RABGAP1: variants seen among roughly 807,000 people sequenced by gnomAD.
RABGAP1 encodes the protein RAB GTPase activating protein 1, also known as rab GTPase-activating protein 1.
A neutral mutation model predicts 137.6 loss-of-function variants in RABGAP1; 23 were observed. The observed-to-expected ratio is 0.17, with a 90% CI of 0.12 to 0.24. The LOEUF (loss-of-function observed/expected upper bound fraction) is 0.24, where lower values mean the gene tolerates loss of function less well. Ranked by LOEUF, RABGAP1 falls within the 10% of genes least tolerant of loss-of-function variation. The pLI is 1.00. For missense variants in RABGAP1, 906 were observed against 1,275.8 expected (o/e 0.71, Z 4.42); for synonymous variants, 451 against 450.7 (o/e 1.00, Z -0.01).
At chr9:122,965,808 T>C (rs1052455787) in intron 2 of RABGAP1, among the ~76,000 whole-genome samples, 2 of 152,246 alleles carry the variant, frequency 1.3e-5, no homozygotes, top group Admixed American at 1.3e-4. Context: ...TTATGAGTTA[T>C]ATCTCAATAA....
intron 1 of RABGAP1, among the ~76,000 whole-genome samples, chr9:122,949,068 T>G (rs2131594954): frequency 6.6e-6 from 1 of 152,264 alleles, no homozygotes; most frequent in South Asian, 2.1e-4. Flanking sequence ...GATTGATCAA[T>G]ATAGCGGAGT....
chr9:122,960,197 A>G (rs1444073247), intron 2 of RABGAP1, among the ~76,000 whole-genome samples: 2 of 152,218 alleles, frequency 1.3e-5, no homozygotes, highest in African/African-American at 4.8e-5. Flanking sequence ...GGAGGAGATC[A>G]CCAAGGGTCA....
chr9:122,935,019 A>G, the RABGAP1 span, among the ~76,000 whole-genome samples: 1 of 152,138 alleles, frequency 6.6e-6, no homozygotes, highest in Non-Finnish European at 1.5e-5. Context: ...TGGGATTTAT[A>G]TCTGTCACTT....
chr9:122,960,161 G>C lies in RABGAP1; in HGVS notation c.150+2952G>C, dbSNP rs148388093. On this transcript the variant is annotated intron_variant, in intron 2 of 25. Coordinates refer to ENST00000373647, the MANE Select transcript of RABGAP1 (RefSeq NM_012197.4). Reference sequence around the variant, plus strand: ...TGACTATAGATGTGCTCATTTGCCTGAGGAAACTAGGGAAAGACACAGCTG... The same window carrying C: ...TGACTATAGATGTGCTCATTTGCCTCAGGAAACTAGGGAAAGACACAGCTG... Among the ~76,000 whole-genome samples the C allele has an allele frequency of 9.5e-3, 1,449 of 152,306 alleles. 25 individuals are homozygous for C. Among genetic ancestry groups the C allele is most frequent in the African/African-American group, 0.033 (1,379 of 41,558 alleles).
At position 123,065,373 on chromosome 9, in the gene RABGAP1, C is replaced by T; in HGVS notation, c.1820C>T (p.Thr607Ile). Reference sequence around the variant, plus strand: ...GAGTCTCCCCAGGACAGTGCTATCACCCGGGATATTAACCGAACATTCCCA... The same window carrying T: ...GAGTCTCCCCAGGACAGTGCTATCATCCGGGATATTAACCGAACATTCCCA... ...TKESPQDSAI[T>I]RDINRTFPAH... The change falls in exon 14 of 26, where the codon ACC (threonine) becomes ATC (isoleucine). Residue 607 changes from threonine (T) to isoleucine (I), a missense_variant. Thr to Ile is a moderately conservative substitution (Grantham distance 89). Around this residue, in one of 9 missense-constraint regions of RABGAP1, gnomAD observed 30 missense variants for 105.8 expected, o/e 0.28. Transcript: ENST00000373647. 1 of 1,612,872 alleles carries T rather than the reference C, an allele frequency of 6.2e-7. No homozygotes were observed. Among genetic ancestry groups the T allele is most frequent in the South Asian group, 1.1e-5 (1 of 91,060 alleles).
chr9:123,055,830 C>T (rs746564296), intron 13 of RABGAP1, among the ~76,000 whole-genome samples: 4 of 152,124 alleles, frequency 2.6e-5, no homozygotes, highest in East Asian at 1.9e-4. Flanking sequence ...GGAGTACAGG[C>T]GTGAGCCACC....
chr9:123,090,076 C>CA (rs1269486939), intron 20 of RABGAP1, among the ~76,000 whole-genome samples, 199 bp from the exon 21 acceptor site: 1 of 152,184 alleles, frequency 6.6e-6, no homozygotes, highest in Non-Finnish European at 1.5e-5. Flanking sequence ...AGGTGCTTGA[C>CA]AAAGTCACTT....
chr9:123,043,906 T>C (rs955987358), intron 13 of RABGAP1, among the ~76,000 whole-genome samples: 1 of 149,098 alleles, frequency 6.7e-6, no homozygotes, highest in Non-Finnish European at 1.5e-5. Context: ...TTTTCTTTTT[T>C]TTTTTTTTTT....
At chr9:123,060,835 GCAAA>G (rs2033942733) in intron 13 of RABGAP1, among the ~76,000 whole-genome samples, 1 of 152,116 alleles carries the variant, frequency 6.6e-6, no homozygotes, top group Non-Finnish European at 1.5e-5. Flanking sequence ...GCAAAATGCA[GCAAA>G]CATTTTTAAC....
intron 13 of RABGAP1, chr9:123,034,937 GCATTGATAGATA>G: frequency 6.2e-7 from 1 of 1,612,146 alleles, no homozygotes; most frequent in Non-Finnish European, 8.5e-7. Flanking sequence ...GCCTGTATCA[GCATTGATAGATA>G]CATTGCCATT....
At position 123,010,379 on chromosome 9, in the gene RABGAP1, A is replaced by G. The variant is rs780117513; in HGVS notation, c.1400A>G (p.Asn467Ser). ...ATAAAGCAAAGGGAGAGAAAGAATAATACTGACACTTTATATGAAGTTGTA... is the reference window on the plus strand; with the variant it reads ...ATAAAGCAAAGGGAGAGAAAGAATAGTACTGACACTTTATATGAAGTTGTA... ...KQIKQRERKN[N>S]TDTLYEVVCL... The change falls in exon 11 of 26, where the codon AAT becomes AGT. Residue 467 changes from asparagine (N) to serine (S), a missense_variant. Physicochemically the swap from Asn to Ser is conservative, Grantham distance 46. Coordinates refer to ENST00000373647, the MANE Select transcript of RABGAP1 (RefSeq NM_012197.4). 1 of 1,613,198 alleles carries G rather than the reference A, an allele frequency of 6.2e-7. No homozygotes were observed. The highest frequency in any genetic ancestry group is 8.5e-7 in the Non-Finnish European group (1 of 1,179,220).
intron 19 of RABGAP1, among the ~76,000 whole-genome samples, chr9:123,087,201 T>C (rs748201965): frequency 2.0e-5 from 3 of 152,218 alleles, no homozygotes; most frequent in Non-Finnish European, 4.4e-5. Flanking sequence ...TAATGAAATA[T>C]AGAAGACATT....
At chr9:122,970,606 T>G (rs1040074506) in intron 2 of RABGAP1, among the ~76,000 whole-genome samples, 1 of 152,178 alleles carries the variant, frequency 6.6e-6, no homozygotes, top group Non-Finnish European at 1.5e-5. Flanking sequence ...TATCCCTCTG[T>G]CTCCTTCCCT....
At chr9:122,982,248 A>G (rs1008871991) in intron 2 of RABGAP1, among the ~76,000 whole-genome samples, 4 of 152,168 alleles carry the variant, frequency 2.6e-5, no homozygotes, top group Admixed American at 2.0e-4. Context: ...CCTAGTTTTT[A>G]AGGAAGAGTT....
intron 13 of RABGAP1, chr9:123,035,825 C>G (rs890201763): frequency 8.3e-6 from 4 of 483,828 alleles, no homozygotes; most frequent in African/African-American, 5.9e-5. Context: ...AATTAGAAGA[C>G]TCAAGATCAT....
chr9:123,022,639 T>C (rs2031713787), intron 13 of RABGAP1, among the ~76,000 whole-genome samples: 1 of 152,016 alleles, frequency 6.6e-6, no homozygotes, highest in Non-Finnish European at 1.5e-5. Flanking sequence ...ACTCCTGACC[T>C]CATGATCCGC....
chr9:123,103,446 A>G lies in RABGAP1; in HGVS notation c.*233A>G. On this transcript the variant is annotated 3_prime_UTR_variant, in exon 26 of 26. Coordinates refer to ENST00000373647, the MANE Select transcript of RABGAP1 (RefSeq NM_012197.4). ...AGCCGACGCTCTGGACACTCTAGAAATCACTCCTCAGTGTGACCTCCCAGG... is the reference window on the plus strand; with the variant it reads ...AGCCGACGCTCTGGACACTCTAGAAGTCACTCCTCAGTGTGACCTCCCAGG... 2.2e-6 allele frequency: 1 copy of G among 453,236 alleles called. No homozygotes were observed. Among genetic ancestry groups the G allele is most frequent in the South Asian group, 2.8e-5 (1 of 35,974 alleles). The allele number at this position is 453,236 out of a possible 1,614,324, so 28.1% of individuals were successfully genotyped here.
intron 1 of RABGAP1, among the ~76,000 whole-genome samples, chr9:122,950,377 C>CTTTTTTTTTTTGTTTTTTTTTTTTTT (rs1834168637): frequency 1.3e-5 from 1 of 74,492 alleles, no homozygotes; most frequent in Non-Finnish European, 2.4e-5. Context: ...CTTTTTCTTT[C>CTTTTTTTTTTTGTTTTTTTTTTTTTT]TTTTTTTTTT....
intron 12 of RABGAP1, among the ~76,000 whole-genome samples, chr9:123,017,591 A>C (rs141755516): frequency 6.6e-6 from 1 of 152,286 alleles, no homozygotes; most frequent in East Asian, 1.9e-4. Context: ...TTCAAATTCT[A>C]CCTCTCCTAC....
Sources: gnomAD v4.1 joint callset for allele counts (sites outside exome capture counted in the v4.1 genomes callset) on GRCh38, gnomAD v4.1.1 for gene constraint, gnomAD v4.1.1 regional missense constraint, MANE v1.5 for transcripts, NCBI Gene and HGNC (gene_info 2026-07-23, HGNC 2026-07-21) for gene names.